The following MGST2 variants were observed in gnomAD, a reference collection of about 807,000 sequenced individuals.
The protein encoded by MGST2 is microsomal glutathione S-transferase 2, also known as glutathione peroxidase MGST2.
In MGST2, 9 loss-of-function variants were observed where a neutral mutation model predicts 16.6. The observed-to-expected ratio is 0.54, with a 90% CI of 0.33 to 0.95. MGST2 has a LOEUF of 0.95. Ranked by LOEUF, MGST2 falls within the 40% of genes least tolerant of loss-of-function variation. The probability of loss-of-function intolerance (pLI) is 0.03; values close to 1 mark genes in which losing one functional copy is unlikely to be tolerated. For synonymous variants in MGST2, 79 were observed against 68.0 expected (o/e 1.16, Z -0.79); for missense variants, 159 against 175.1 (o/e 0.91, Z 0.52).
intron 5 of MGST2, chr4:139,719,592 C>G: frequency 6.2e-7 from 1 of 1,613,318 alleles, no homozygotes; most frequent in Non-Finnish European, 8.5e-7. Flanking sequence ...TGGCTCAGGC[C>G]AGACATGACC....
intron 5 of MGST2, chr4:139,719,438 G>A: frequency 6.2e-7 from 1 of 1,613,994 alleles, no homozygotes; most frequent in South Asian, 1.1e-5. Flanking sequence ...GGAACCCCCA[G>A]CTCCGTCGCC....
chr4:139,673,767 A>G (rs1730826832), intron 1 of MGST2, among the ~76,000 whole-genome samples: 2 of 152,004 alleles, frequency 1.3e-5, no homozygotes, highest in South Asian at 4.2e-4. Flanking sequence ...CTGGTCTTGA[A>G]CTCCTAGTCT....
At chr4:139,708,740 C>G (rs757401185), downstream of MGST2, among the ~76,000 whole-genome samples, 1 of 152,072 alleles carries the variant, frequency 6.6e-6, no homozygotes, top group African/African-American at 2.4e-5. Flanking sequence ...CGGTGGCTCA[C>G]GCCTGTAATC....
chr4:139,733,119 T>C (rs943015852), intron 5 of MGST2, among the ~76,000 whole-genome samples: 1 of 152,236 alleles, frequency 6.6e-6, no homozygotes, highest in African/African-American at 2.4e-5. Flanking sequence ...TTGGCACCTT[T>C]AGGGACAAAT....
chr4:139,667,499 A>C (rs1409923847), intron 1 of MGST2, among the ~76,000 whole-genome samples: 2 of 39,352 alleles, frequency 5.1e-5, no homozygotes, highest in African/African-American at 2.1e-4. Context: ...GAGTGGGGGT[A>C]GGGGTGGGGA....
chr4:139,740,726 C>G (rs1729138429), exon 6 of MGST2: 1 of 152,296 alleles, frequency 6.6e-6, no homozygotes, highest in Non-Finnish European at 1.5e-5. Context: ...CCAAATGGAG[C>G]TCTCTGCTGC....
At chr4:139,685,364 C>A in intron 2 of MGST2, 1 of 162,670 alleles carries the variant, frequency 6.1e-6, no homozygotes. Context: ...CCAGCCAGAT[C>A]AGCCGAATCA....
At chr4:139,682,480 G>A (rs904069193) in intron 2 of MGST2, among the ~76,000 whole-genome samples, 5 of 152,142 alleles carry the variant, frequency 3.3e-5, no homozygotes, top group Non-Finnish European at 5.9e-5. Flanking sequence ...GGGGGCTGCA[G>A]GGAGCCTGGC....
At chr4:139,710,071 A>T (rs1727680206) in intron 5 of MGST2, among the ~76,000 whole-genome samples, 3 of 152,248 alleles carry the variant, frequency 2.0e-5, no homozygotes, top group Admixed American at 2.0e-4. Context: ...CCATTTTCAG[A>T]TAATTTTTCT....
At chr4:139,748,604 G>A in the MGST2 span, among the ~76,000 whole-genome samples, 1 of 152,188 alleles carries the variant, frequency 6.6e-6, no homozygotes, top group African/African-American at 2.4e-5. Flanking sequence ...GACACTTCCG[G>A]CTCAGTCCCC....
chr4:139,720,300 C>A lies in MGST2; in HGVS notation c.*48+16104C>A, dbSNP rs115394118. 1.9e-6 allele frequency: 3 copies of A among 1,552,058 alleles called. No individual in the cohort carries two copies. The African/African-American group carries it at 4.1e-5, about 21-fold the overall frequency. ...CTCTGGAGGGCTGCTTGGCTTCTTACGGCTGCTATATCCTGGGGAGAACCT... is the reference window on the plus strand; with the variant it reads ...CTCTGGAGGGCTGCTTGGCTTCTTAAGGCTGCTATATCCTGGGGAGAACCT... On this transcript the variant is annotated intron_variant, in intron 5 of 5. Transcript: ENST00000616265.
intron 1 of MGST2, among the ~76,000 whole-genome samples, chr4:139,671,759 AG>A (rs1730705607): frequency 1.3e-5 from 2 of 152,208 alleles, no homozygotes; most frequent in Admixed American, 1.3e-4. Context: ...CTCCCGGCTC[AG>A]CCTCCTGAGT....
At chr4:139,689,115 A>AG (rs1362320624) in intron 2 of MGST2, among the ~76,000 whole-genome samples, 1 of 151,436 alleles carries the variant, frequency 6.6e-6, no homozygotes, top group African/African-American at 2.4e-5. Flanking sequence ...TCAAAAAAAA[A>AG]AAAAAAAAAA....
At chr4:139,697,038 G>T (rs905485631) in intron 3 of MGST2, among the ~76,000 whole-genome samples, 4 of 152,098 alleles carry the variant, frequency 2.6e-5, no homozygotes, top group Non-Finnish European at 2.9e-5. Flanking sequence ...AGGTAATCCC[G>T]TCCTGACTTC....
chr4:139,672,597 T>A (rs1424159302), intron 1 of MGST2, among the ~76,000 whole-genome samples: 1 of 150,628 alleles, frequency 6.6e-6, no homozygotes, highest in Non-Finnish European at 1.5e-5. Context: ...TTTTTTTGAC[T>A]CGGAGTACAG....
At chr4:139,751,818 C>G in the MGST2 span, among the ~76,000 whole-genome samples, 6 of 152,200 alleles carry the variant, frequency 3.9e-5, no homozygotes, top group Non-Finnish European at 7.3e-5. Flanking sequence ...ACAATGACAT[C>G]TTTGACCTCT....
At chr4:139,679,684 G>A (rs977049461) in intron 2 of MGST2, among the ~76,000 whole-genome samples, 8 of 152,066 alleles carry the variant, frequency 5.3e-5, no homozygotes, top group African/African-American at 1.9e-4. Context: ...CTCCAAGGAG[G>A]GTTTTACAGA....
chr4:139,680,769 A>T (rs2110828376), intron 2 of MGST2, among the ~76,000 whole-genome samples: 1 of 152,250 alleles, frequency 6.6e-6, no homozygotes, highest in South Asian at 2.1e-4. Flanking sequence ...TGTATTAGAA[A>T]TCCTTACCCT....
chr4:139,730,291 G>T, intron 5 of MGST2: 1 of 831,216 alleles, frequency 1.2e-6, no homozygotes, highest in Non-Finnish European at 1.9e-6. Flanking sequence ...TTGTGATCCT[G>T]GGAAATGCTA....
Sources: gnomAD v4.1 joint callset for allele counts (sites outside exome capture counted in the v4.1 genomes callset) on GRCh38, gnomAD v4.1.1 for gene constraint, MANE v1.5 for transcripts, NCBI Gene and HGNC (gene_info 2026-07-23, HGNC 2026-07-21) for gene names.